CLIC5: variants seen among roughly 807,000 people sequenced by gnomAD.
CLIC5 encodes the protein CLIC family member 5, also known as chloride intracellular channel protein 5.
CLIC5 carries 20 observed loss-of-function variants against 24.7 expected under a neutral mutation model. The observed-to-expected ratio is 0.81, with a 90% CI of 0.57 to 1.18. The LOEUF (loss-of-function observed/expected upper bound fraction) is 1.18. Ranked by LOEUF, CLIC5 falls within the 50% of genes most tolerant of loss-of-function variation. CLIC5 has a pLI of 0.00. For missense variants in CLIC5, 341 were observed against 326.1 expected (o/e 1.05, Z -0.35); for synonymous variants, 159 against 135.6 (o/e 1.17, Z -1.20).
the CLIC5 span, among the ~76,000 whole-genome samples, chr6:46,123,646 T>C: frequency 2.6e-5 from 4 of 152,106 alleles, no homozygotes; most frequent in African/African-American, 4.8e-5. Flanking sequence ...TCAAATTGTC[T>C]CTGTTTGCAG....
the CLIC5 span, among the ~76,000 whole-genome samples, chr6:46,126,969 G>T: frequency 5.3e-5 from 8 of 152,190 alleles, no homozygotes; most frequent in Non-Finnish European, 1.0e-4. Context: ...AAAATATTTT[G>T]TGTTAATGAA....
At chr6:46,019,206 A>G (rs1040998189), upstream of CLIC5, among the ~76,000 whole-genome samples, 3 of 152,224 alleles carry the variant, frequency 2.0e-5, no homozygotes, top group African/African-American at 7.2e-5. Flanking sequence ...AAATATAACC[A>G]TATTAATACT....
At chr6:46,003,488 C>T (rs761623752) in intron 1 of CLIC5, among the ~76,000 whole-genome samples, 1 of 152,130 alleles carries the variant, frequency 6.6e-6, no homozygotes, top group Admixed American at 6.5e-5. Flanking sequence ...ATTCCACGGG[C>T]CATGGAGCAG....
At chr6:45,963,574 T>C (rs150587525) in intron 1 of CLIC5, among the ~76,000 whole-genome samples, 29 of 152,078 alleles carry the variant, frequency 1.9e-4, no homozygotes, top group African/African-American at 6.5e-4. Flanking sequence ...AGAACTTACC[T>C]TGAGAACATG....
chr6:46,066,684 T>A (rs538456462), intron 1 of CLIC5, among the ~76,000 whole-genome samples: 1 of 152,218 alleles, frequency 6.6e-6, no homozygotes, highest in Non-Finnish European at 1.5e-5. Context: ...AGTCTTGTAA[T>A]AGACTGGGGG....
intron 4 of CLIC5, among the ~76,000 whole-genome samples, chr6:45,927,733 C>T (rs1166103251): frequency 6.6e-6 from 1 of 152,174 alleles, no homozygotes; most frequent in Non-Finnish European, 1.5e-5. Context: ...TGTCACATCT[C>T]TAAAAGTTTA....
intron 1 of CLIC5, among the ~76,000 whole-genome samples, chr6:46,021,990 A>G (rs1767197474): frequency 6.6e-6 from 1 of 152,242 alleles, no homozygotes; most frequent in Non-Finnish European, 1.5e-5. Flanking sequence ...TTCTATTGCC[A>G]TACCCACTTT....
In CLIC5 at chr6:45,960,772, C is replaced by T. The variant is rs9472627; in HGVS notation, c.64-5528G>A. Among the ~76,000 whole-genome samples the T allele has an allele frequency of 3.3e-3, 507 of 152,302 alleles. 1 individual carries two copies. The highest frequency in any genetic ancestry group is 0.012 in the African/African-American group (486 of 41,568). On this transcript the variant is annotated intron_variant, in intron 1 of 5. Transcript: ENST00000339561. ...ACCTAGATCCTGCTGCATGCTGTAC[C>T]GATGCTGATTGCCTGCTCCCTGCCT...
chr6:45,914,421 G>C lies in CLIC5; in HGVS notation c.407-12C>G. On this transcript the variant is annotated splice_polypyrimidine_tract_variant and intron_variant, in intron 4 of 5. Transcript: ENST00000339561. ...GCCTCTTTCAAGAGCTGGCATGAAA[G>C]AGTAAAAGGGCCTTTATTCAAACTT... The C allele has an allele frequency of 6.4e-7, 1 of 1,552,392 alleles. No homozygotes were observed. Among genetic ancestry groups the C allele is most frequent in the South Asian group, 1.2e-5 (1 of 83,770 alleles).
At chr6:45,976,279 G>A (rs1443886221) in intron 1 of CLIC5, among the ~76,000 whole-genome samples, 1 of 152,166 alleles carries the variant, frequency 6.6e-6, no homozygotes, top group African/African-American at 2.4e-5. Context: ...CTACTGGGTG[G>A]GACATCGGAA....
the CLIC5 span, among the ~76,000 whole-genome samples, chr6:46,103,049 C>G: frequency 1.3e-5 from 2 of 150,776 alleles, no homozygotes; most frequent in Non-Finnish European, 3.0e-5. Context: ...TCATATCACA[C>G]GAGTTTCACT....
chr6:46,016,598 T>C (rs1767018265), upstream of CLIC5, among the ~76,000 whole-genome samples: 1 of 152,230 alleles, frequency 6.6e-6, no homozygotes, highest in Admixed American at 6.5e-5. Context: ...CTGGTTGTTT[T>C]AGTGAAGTAG....
At chr6:45,981,205 G>A (rs759914958) in intron 1 of CLIC5, among the ~76,000 whole-genome samples, 5 of 151,954 alleles carry the variant, frequency 3.3e-5, no homozygotes, top group Non-Finnish European at 7.4e-5. Context: ...CTGAGCTCAA[G>A]CAATCCACCC....
chr6:46,068,760 G>T (rs1762510136), intron 1 of CLIC5, among the ~76,000 whole-genome samples: 1 of 152,134 alleles, frequency 6.6e-6, no homozygotes, highest in South Asian at 2.1e-4. Flanking sequence ...TGCACAGGGG[G>T]AAGACCATGT....
chr6:46,052,689 C>T (rs563331316), intron 1 of CLIC5, among the ~76,000 whole-genome samples: 14 of 152,246 alleles, frequency 9.2e-5, no homozygotes, highest in Admixed American at 8.5e-4. Flanking sequence ...ACAACTTTGC[C>T]AGACAGCAGC....
chr6:45,977,333 C>G (rs1765417779), intron 1 of CLIC5, among the ~76,000 whole-genome samples: 1 of 152,086 alleles, frequency 6.6e-6, no homozygotes, highest in Non-Finnish European at 1.5e-5. Flanking sequence ...TTGCTACATT[C>G]AAATTGTAAT....
chr6:46,111,723 T>G, the CLIC5 span, among the ~76,000 whole-genome samples: 1 of 152,210 alleles, frequency 6.6e-6, no homozygotes, highest in East Asian at 1.9e-4. Flanking sequence ...GTGATATGGT[T>G]TGGCTGTGTC....
Position 46,051,601 on chromosome 6 carries a change from C to A in CLIC5, c.540+28102G>T, listed in dbSNP as rs192662126. Among the ~76,000 whole-genome samples, 10 of 152,272 alleles carry A rather than the reference C, an allele frequency of 6.6e-5. No homozygotes were observed. In the East Asian group the frequency reaches 1.9e-3, roughly 29 times the overall value. On this transcript the variant is annotated intron_variant, in intron 1 of 5. Coordinates refer to the CLIC5 transcript ENST00000185206. ...AAGTTTAGGATGACTGGGCAACCAG[C>A]CACATGATATGGTTAGAGAATGCTC...
intron 1 of CLIC5, among the ~76,000 whole-genome samples, chr6:46,041,305 G>T (rs769739577): frequency 6.6e-6 from 1 of 152,024 alleles, no homozygotes; most frequent in Non-Finnish European, 1.5e-5. Flanking sequence ...ACCTTGCATT[G>T]CATGCAAGAA....
Sources: gnomAD v4.1 joint callset for allele counts (sites outside exome capture counted in the v4.1 genomes callset) on GRCh38, gnomAD v4.1.1 for gene constraint, MANE v1.5 for transcripts, NCBI Gene and HGNC (gene_info 2026-07-23, HGNC 2026-07-21) for gene names.